Variants in CSMD1 observed in about 807,000 individuals in gnomAD.
CSMD1 encodes CUB and Sushi multiple domains 1.
CSMD1 carries 213 observed loss-of-function variants against 417.5 expected under a neutral mutation model. The ratio of observed to expected loss-of-function variants is 0.51; its 90% confidence interval spans 0.46 to 0.57. The LOEUF is 0.57. CSMD1 is among the 20% of genes least tolerant of loss of function. The pLI, the probability that CSMD1 is intolerant of heterozygous loss-of-function variation, is 0.00. For synonymous variants in CSMD1, 2,862 were observed against 1,736.8 expected (o/e 1.65, Z -16.11); for missense variants, 6,923 against 4,529.7 (o/e 1.53, Z -15.17).
chr8:3,176,551 A>G (rs921513900), intron 37 of CSMD1, among the ~76,000 whole-genome samples: 13 of 152,168 alleles, frequency 8.5e-5, no homozygotes, highest in Admixed American at 2.6e-4. Context: ...TTTAAAACCT[A>G]CTAGAGAAAT....
intron 26 of CSMD1, among the ~76,000 whole-genome samples, chr8:3,242,802 TGGG>T (rs1163921606): frequency 3.1e-5 from 1 of 32,354 alleles, no homozygotes; most frequent in East Asian, 6.8e-4. Context: ...GGAAAGGGGT[TGGG>T]GCGCAGAAAT....
intron 2 of CSMD1, among the ~76,000 whole-genome samples, chr8:4,460,299 T>C (rs1223637141): frequency 6.6e-6 from 1 of 151,856 alleles, no homozygotes; most frequent in Non-Finnish European, 1.5e-5. Context: ...AAAATGGAGA[T>C]CAAATACATC....
chr8:3,877,987 CTG>C (rs1489935891), intron 5 of CSMD1, among the ~76,000 whole-genome samples: 1 of 151,234 alleles, frequency 6.6e-6, no homozygotes, highest in Non-Finnish European at 1.5e-5. Context: ...TAAACTTAAA[CTG>C]AATGTAAATG....
intron 5 of CSMD1, among the ~76,000 whole-genome samples, chr8:3,904,889 C>T (rs187016449): frequency 9.9e-4 from 150 of 152,128 alleles, no homozygotes; most frequent in African/African-American, 2.9e-3. Flanking sequence ...CACCTGCTTC[C>T]GCCTCCCAAA....
intron 3 of CSMD1, among the ~76,000 whole-genome samples, chr8:4,207,194 G>C (rs770486035): frequency 6.6e-6 from 1 of 152,150 alleles, no homozygotes; most frequent in Non-Finnish European, 1.5e-5. Flanking sequence ...AGTTGACGTA[G>C]ATAGGAAATG....
intron 26 of CSMD1, among the ~76,000 whole-genome samples, chr8:3,236,209 C>T (rs988547346): frequency 3.9e-5 from 6 of 151,948 alleles, no homozygotes; most frequent in Admixed American, 1.3e-4. Flanking sequence ...TGAGCCACCG[C>T]GCCTCGCCGA....
chr8:2,992,773 T>C (rs1276547860), intron 54 of CSMD1, among the ~76,000 whole-genome samples: 1 of 151,944 alleles, frequency 6.6e-6, no homozygotes, highest in African/African-American at 2.4e-5. Flanking sequence ...GATGGGGTCT[T>C]GCTCTGTTGC....
intron 10 of CSMD1, among the ~76,000 whole-genome samples, chr8:3,525,619 A>T (rs563590463): frequency 6.6e-6 from 1 of 152,130 alleles, no homozygotes; most frequent in Admixed American, 6.5e-5. Flanking sequence ...GTATCTTCAA[A>T]ACCTCTTGCC....
chr8:4,269,713 T>C (rs1180409116), intron 3 of CSMD1, among the ~76,000 whole-genome samples: 1 of 152,208 alleles, frequency 6.6e-6, no homozygotes, highest in East Asian at 1.9e-4. Context: ...AACCAGCATC[T>C]GTTGAATTCT....
chr8:4,459,852 C>T (rs1465401968), intron 2 of CSMD1, among the ~76,000 whole-genome samples: 1 of 152,152 alleles, frequency 6.6e-6, no homozygotes, highest in Non-Finnish European at 1.5e-5. Flanking sequence ...CTAAAGCATG[C>T]CCCTACCAGA....
intron 3 of CSMD1, among the ~76,000 whole-genome samples, chr8:4,329,932 C>T (rs1232571735): frequency 6.6e-6 from 1 of 152,040 alleles, no homozygotes; most frequent in Non-Finnish European, 1.5e-5. Context: ...GTCTGCTCCC[C>T]TTTTGCTTTC....
chr8:3,949,460 A>AT (rs1243436954), intron 5 of CSMD1, among the ~76,000 whole-genome samples: 1 of 152,184 alleles, frequency 6.6e-6, no homozygotes, highest in African/African-American at 2.4e-5. Context: ...AAAAGGATAC[A>AT]TTTTAAGCAC....
chr8:4,096,999 A>G (rs1563119303), intron 3 of CSMD1, among the ~76,000 whole-genome samples: 1 of 152,196 alleles, frequency 6.6e-6, no homozygotes, highest in Non-Finnish European at 1.5e-5. Flanking sequence ...CAGAGATAAA[A>G]TCTTTGAAAA....
chr8:3,651,044 C>T (rs1163656611), intron 7 of CSMD1, among the ~76,000 whole-genome samples: 1 of 152,174 alleles, frequency 6.6e-6, no homozygotes, highest in Non-Finnish European at 1.5e-5. Flanking sequence ...ATACAGCTTA[C>T]CCACCAGAAT....
chr8:4,322,888 G>C (rs911327813), intron 3 of CSMD1, among the ~76,000 whole-genome samples: 2 of 152,314 alleles, frequency 1.3e-5, no homozygotes, highest in South Asian at 4.1e-4. Context: ...AGGAGGCTGA[G>C]GCAGGAGAAT....
intron 25 of CSMD1, among the ~76,000 whole-genome samples, chr8:3,306,823 GAGCTTACTTTAAAAATATTACA>G (rs879685217): frequency 0.079 from 2,594 of 32,748 alleles, 32 homozygotes; most frequent in Non-Finnish European, 0.11. Context: ...AGATCACCAA[GAGCTTACTTTAAAAATATTACA>G]GAGCTTACTT....
intron 10 of CSMD1, among the ~76,000 whole-genome samples, chr8:3,515,113 A>T (rs13276197): frequency 0.24 from 36,227 of 152,196 alleles, 4,993 homozygotes; most frequent in Non-Finnish European, 0.31. Context: ...AAAATCAGTC[A>T]TTAATGTTAT....
intron 1 of CSMD1, among the ~76,000 whole-genome samples, chr8:4,745,180 A>G (rs1015195854): frequency 2.0e-5 from 3 of 152,158 alleles, no homozygotes; most frequent in African/African-American, 7.2e-5. Context: ...GTTCTAATCA[A>G]TGAAACCTTA....
chr8:3,963,579 C>G (rs1279377811), intron 5 of CSMD1, among the ~76,000 whole-genome samples: 1 of 151,930 alleles, frequency 6.6e-6, no homozygotes, highest in Non-Finnish European at 1.5e-5. Flanking sequence ...TTAAAATCTA[C>G]TAAGTAAACA....
Sources: allele counts gnomAD v4.1 joint callset (sites outside exome capture counted in the v4.1 genomes callset), GRCh38; gene constraint gnomAD v4.1.1; transcripts MANE v1.5; gene names NCBI Gene and HGNC (gene_info 2026-07-23, HGNC 2026-07-21).